LRMDA: variants seen among roughly 807,000 people sequenced by gnomAD.
LRMDA encodes leucine-rich melanocyte differentiation-associated protein.
A neutral mutation model predicts 29.8 loss-of-function variants in LRMDA; 18 were observed. The ratio of observed to expected loss-of-function variants is 0.60; its 90% CI spans 0.42 to 0.90. LRMDA has a LOEUF of 0.90. Ranked by LOEUF, LRMDA falls within the 40% of genes least tolerant of loss-of-function variation. The pLI is 0.00. For missense variants in LRMDA, 273 were observed against 273.9 expected (o/e 1.00, Z 0.02); for synonymous variants, 125 against 109.4 (o/e 1.14, Z -0.89).
chr10:75,442,519 C>T (rs1256178878), intron 2 of LRMDA, among the ~76,000 whole-genome samples: 2 of 152,148 alleles, frequency 1.3e-5, no homozygotes, highest in Non-Finnish European at 2.9e-5. Context: ...ACTGTTCTTT[C>T]CCCTTTGTGT....
chr10:75,636,129 G>A (rs115762922), intron 2 of LRMDA, among the ~76,000 whole-genome samples: 122 of 151,904 alleles, frequency 8.0e-4, no homozygotes, highest in African/African-American at 2.9e-3. Context: ...ATCCACCTAT[G>A]TACCTATGTG....
intron 2 of LRMDA, among the ~76,000 whole-genome samples, chr10:75,477,195 G>C (rs1293947492): frequency 6.6e-6 from 1 of 151,998 alleles, no homozygotes; most frequent in African/African-American, 2.4e-5. Context: ...GCCCAGGTTG[G>C]TCTTGAGCTC....
chr10:75,793,576 G>T (rs142843857), intron 2 of LRMDA, among the ~76,000 whole-genome samples: 5 of 152,198 alleles, frequency 3.3e-5, no homozygotes, highest in African/African-American at 1.2e-4. Flanking sequence ...TGGTAGGATT[G>T]TATTTTCTGG....
intron 2 of LRMDA, among the ~76,000 whole-genome samples, chr10:75,678,167 A>AACATAT: frequency 6.6e-6 from 1 of 152,314 alleles, no homozygotes; most frequent in Admixed American, 6.5e-5. Context: ...TATATAGCTA[A>AACATAT]ACATATACAT....
At chr10:76,009,008 G>A (rs1176129204) in intron 2 of LRMDA, among the ~76,000 whole-genome samples, 1 of 152,198 alleles carries the variant, frequency 6.6e-6, no homozygotes, top group East Asian at 1.9e-4. Context: ...GGGAGCAGAA[G>A]TGATCCTGAA....
intron 5 of LRMDA, among the ~76,000 whole-genome samples, chr10:76,299,891 G>A (rs184885067): frequency 2.3e-3 from 346 of 152,192 alleles, no homozygotes; most frequent in African/African-American, 8.0e-3. Flanking sequence ...AGATAAAATC[G>A]GACAATTTGC....
At chr10:76,359,072 C>T (rs1841278027) in intron 6 of LRMDA, among the ~76,000 whole-genome samples, 1 of 152,122 alleles carries the variant, frequency 6.6e-6, no homozygotes, top group African/African-American at 2.4e-5. Flanking sequence ...GCTCCTGTGA[C>T]AGTCAGCCAC....
intron 5 of LRMDA, among the ~76,000 whole-genome samples, chr10:76,079,451 G>A (rs114403499): frequency 5.1e-4 from 78 of 152,244 alleles, no homozygotes; most frequent in Middle Eastern, 3.4e-3. Flanking sequence ...CAGGGGGAGT[G>A]GGGGTGGGTC....
At chr10:75,528,680 G>T (rs1246214309) in intron 2 of LRMDA, among the ~76,000 whole-genome samples, 1 of 152,114 alleles carries the variant, frequency 6.6e-6, no homozygotes, top group Non-Finnish European at 1.5e-5. Context: ...ATTCTTAAAT[G>T]TGGGCAGAAA....
At chr10:75,554,612 G>A (rs1840192026) in intron 2 of LRMDA, among the ~76,000 whole-genome samples, 1 of 152,140 alleles carries the variant, frequency 6.6e-6, no homozygotes, top group African/African-American at 2.4e-5. Context: ...ATTATAAGGT[G>A]GCAGACTTCA....
intron 6 of LRMDA, among the ~76,000 whole-genome samples, chr10:76,353,419 G>A (rs1294388187): frequency 6.6e-6 from 1 of 151,902 alleles, no homozygotes; most frequent in Non-Finnish European, 1.5e-5. Context: ...AACTTGAACT[G>A]AAAGGTTGAC....
At chr10:75,707,375 C>T (rs754178405) in intron 2 of LRMDA, among the ~76,000 whole-genome samples, 13 of 152,170 alleles carry the variant, frequency 8.5e-5, no homozygotes, top group East Asian at 5.8e-4. Flanking sequence ...AGAAACCCTC[C>T]GCCTGACCAG....
intron 2 of LRMDA, among the ~76,000 whole-genome samples, chr10:75,455,133 G>A (rs1287953205): frequency 6.6e-6 from 1 of 152,056 alleles, no homozygotes; most frequent in East Asian, 1.9e-4. Context: ...CTTTCTTTAG[G>A]GTCTTGTCAT....
chr10:75,666,733 C>A (rs950721205), intron 2 of LRMDA, among the ~76,000 whole-genome samples: 1 of 151,842 alleles, frequency 6.6e-6, no homozygotes, highest in African/African-American at 2.4e-5. Context: ...AACATGCTGA[C>A]CATCATATTA....
At chr10:75,908,940 T>G (rs1423168884) in intron 2 of LRMDA, among the ~76,000 whole-genome samples, 1 of 152,108 alleles carries the variant, frequency 6.6e-6, no homozygotes, top group Non-Finnish European at 1.5e-5. Flanking sequence ...GACATAAACA[T>G]CTATTATGTT....
intron 2 of LRMDA, among the ~76,000 whole-genome samples, chr10:75,914,948 C>T (rs9416100): frequency 0.038 from 5,839 of 151,978 alleles, 479 homozygotes; most frequent in East Asian, 0.35. Flanking sequence ...CAAAATACAC[C>T]TCCTTCCCCT....
At chr10:75,491,648 G>T (rs1844989028) in intron 2 of LRMDA, among the ~76,000 whole-genome samples, 2 of 152,174 alleles carry the variant, frequency 1.3e-5, no homozygotes, top group Admixed American at 1.3e-4. Flanking sequence ...ATTGTTTATA[G>T]AGTGTTTTCC....
chr10:75,812,718 T>G (rs1368628431), intron 2 of LRMDA, among the ~76,000 whole-genome samples: 1 of 152,206 alleles, frequency 6.6e-6, no homozygotes, highest in Non-Finnish European at 1.5e-5. Flanking sequence ...TTCTTTTGAG[T>G]TCTGATTATC....
intron 2 of LRMDA, among the ~76,000 whole-genome samples, chr10:75,531,055 C>T (rs1427731886): frequency 6.6e-6 from 1 of 152,178 alleles, no homozygotes; most frequent in Non-Finnish European, 1.5e-5. Context: ...AAGATAGAGG[C>T]TAAGCAAGGT....
Sources: gnomAD v4.1 joint callset for allele counts (sites outside exome capture counted in the v4.1 genomes callset) on GRCh38, gnomAD v4.1.1 for gene constraint, MANE v1.5 for transcripts, NCBI Gene and HGNC (gene_info 2026-07-23, HGNC 2026-07-21) for gene names.